Variants in CLYBL observed in about 807,000 individuals in gnomAD.
CLYBL encodes the protein citramalyl-CoA lyase, mitochondrial.
In CLYBL, 31 loss-of-function variants were observed where a neutral mutation model predicts 38.9. The observed-to-expected ratio is 0.80, with a 90% CI of 0.60 to 1.08. The LOEUF (loss-of-function observed/expected upper bound fraction) is 1.08. Among genes scored for constraint, CLYBL ranks in the 50% least tolerant of loss-of-function variants. The pLI, the probability that CLYBL is intolerant of heterozygous loss-of-function variation, is 0.00. For missense variants in CLYBL, 434 were observed against 411.6 expected, an observed-to-expected ratio of 1.05 and a Z score of -0.47; for synonymous variants, 171 against 158.6, an observed-to-expected ratio of 1.08 and a Z score of -0.59.
At chr13:99,694,576 C>T (rs185129103) in intron 1 of CLYBL, among the ~76,000 whole-genome samples, 2 of 152,312 alleles carry the variant, frequency 1.3e-5, no homozygotes, top group African/African-American at 2.4e-5. Flanking sequence ...CTCACACATA[C>T]CTTTACCTGT....
downstream of CLYBL, chr13:99,896,145 G>C (rs2052575158): frequency 1.3e-5 from 2 of 151,534 alleles, no homozygotes; most frequent in South Asian, 4.1e-4. Flanking sequence ...AGGAGGCCTG[G>C]ACTGTGGGCC....
intron 7 of CLYBL, among the ~76,000 whole-genome samples, chr13:99,878,127 C>A (rs914745911): frequency 6.6e-6 from 1 of 151,966 alleles, no homozygotes; most frequent in African/African-American, 2.4e-5. Context: ...AAATTCCTGA[C>A]AATGCTAAAA....
chr13:99,646,510 C>CTTT (rs140419884), intron 1 of CLYBL, among the ~76,000 whole-genome samples: 25 of 109,240 alleles, frequency 2.3e-4, no homozygotes, highest in East Asian at 5.0e-4. Flanking sequence ...TTACAGAAAT[C>CTTT]TTTTTTTTTT....
chr13:99,785,349 CA>C (rs1594181416), intron 2 of CLYBL, among the ~76,000 whole-genome samples: 1 of 151,522 alleles, frequency 6.6e-6, no homozygotes, highest in East Asian at 1.9e-4. Context: ...GCTGGGACCA[CA>C]GGTGTGTGCC....
At chr13:99,820,672 T>C (rs1466196517) in intron 2 of CLYBL, among the ~76,000 whole-genome samples, 2 of 152,222 alleles carry the variant, frequency 1.3e-5, no homozygotes, top group Non-Finnish European at 2.9e-5. Context: ...TGCAGAAATA[T>C]TTAACCCAGA....
chr13:99,845,056 G>A (rs1044074646), intron 2 of CLYBL, among the ~76,000 whole-genome samples: 2 of 152,154 alleles, frequency 1.3e-5, no homozygotes, highest in Non-Finnish European at 2.9e-5. Context: ...GAGAACGTTA[G>A]TGGTCCTGAA....
chr13:99,908,218 C>T (rs1289321298), exon 10 of CLYBL, among the ~76,000 whole-genome samples: 1 of 152,224 alleles, frequency 6.6e-6, no homozygotes, highest in Non-Finnish European at 1.5e-5. Flanking sequence ...TCATGCTTGG[C>T]TCCAGCTCTG....
chr13:99,743,038 CTTTT>C (rs1349348887), intron 1 of CLYBL, among the ~76,000 whole-genome samples: 1 of 150,558 alleles, frequency 6.6e-6, no homozygotes, highest in African/African-American at 2.4e-5. Context: ...GGGTTTTTTT[CTTTT>C]TCTTTTTCTT....
intron 1 of CLYBL, among the ~76,000 whole-genome samples, chr13:99,674,067 G>A (rs74112528): frequency 0.039 from 5,884 of 151,364 alleles, 356 homozygotes; most frequent in African/African-American, 0.13. Context: ...TAGGGGTGGA[G>A]GTCAAGAGTT....
chr13:99,734,664 C>T (rs1326591261), intron 1 of CLYBL, among the ~76,000 whole-genome samples: 1 of 152,128 alleles, frequency 6.6e-6, no homozygotes, highest in African/African-American at 2.4e-5. Flanking sequence ...TTTATTTGTC[C>T]ATGGCTACAC....
chr13:99,644,204 ATGTGTATATGTGG>A (rs75898299), intron 1 of CLYBL, among the ~76,000 whole-genome samples: 4,072 of 75,114 alleles, frequency 0.054, 93 homozygotes, highest in East Asian at 0.16. Flanking sequence ...TATGTGGTGT[ATGTGTATATGTGG>A]TGTATGTATA....
chr13:99,784,607 A>T (rs2049744099), intron 2 of CLYBL, among the ~76,000 whole-genome samples: 1 of 151,716 alleles, frequency 6.6e-6, no homozygotes, highest in South Asian at 2.1e-4. Flanking sequence ...GGTGCCCACC[A>T]CCAGGCCCAG....
rs35378080 is a variant in CLYBL, at chr13:99,833,683, CTTTTTTTTTTTT to C, written c.250-25163_250-25152del. On this transcript the variant is annotated intron_variant, in intron 2 of 8. Transcript: ENST00000339105. The stretch of plus-strand genomic sequence containing the variant: ...GACAGGAAGCGGGGTTACCGTGTTG[CTTTTTTTTTTTT>C]TTTTTTTTTTTTTTAGATGGAGTCT... Among the ~76,000 whole-genome samples the C allele has an allele frequency of 6.2e-3, 348 of 56,126 alleles. 3 individuals are homozygous for C. The Middle Eastern group carries it at 0.11, about 17-fold the overall frequency. 36.8% of individuals were successfully genotyped at this position (56,126 alleles called of 152,430 possible). A position where few individuals can be genotyped will look rare whatever the true frequency, so the allele number is the denominator to read the frequency against.
At chr13:99,751,235 T>G (rs1001800840) in intron 1 of CLYBL, among the ~76,000 whole-genome samples, 9 of 152,102 alleles carry the variant, frequency 5.9e-5, no homozygotes, top group Admixed American at 3.3e-4. Flanking sequence ...TTGTTTTTTT[T>G]TTTTAGATGG....
At chr13:99,763,799 C>T (rs7993488) in intron 1 of CLYBL, among the ~76,000 whole-genome samples, 8,534 of 152,036 alleles carry the variant, frequency 0.056, 323 homozygotes, top group South Asian at 0.11. Flanking sequence ...ATGATCTGCC[C>T]GCCTTAGCCT....
chr13:99,683,059 T>TTATATA (rs369963152), intron 1 of CLYBL, among the ~76,000 whole-genome samples: 1,963 of 149,480 alleles, frequency 0.013, 51 homozygotes, highest in African/African-American at 0.046. Flanking sequence ...TTTATAAACT[T>TTATATA]TATATATATA....
chr13:99,663,888 C>T (rs148578679), intron 1 of CLYBL, among the ~76,000 whole-genome samples: 8 of 152,288 alleles, frequency 5.3e-5, no homozygotes, highest in Non-Finnish European at 7.4e-5. Flanking sequence ...ATGCTAGAAC[C>T]ATTTATTTTG....
intron 1 of CLYBL, among the ~76,000 whole-genome samples, chr13:99,703,602 T>C (rs2048103614): frequency 6.6e-6 from 1 of 152,160 alleles, no homozygotes; most frequent in Non-Finnish European, 1.5e-5. Flanking sequence ...TCTCCTGACC[T>C]CGTGATCCGC....
intron 1 of CLYBL, among the ~76,000 whole-genome samples, chr13:99,746,705 T>TGAG (rs1011493541): frequency 2.0e-5 from 3 of 152,206 alleles, no homozygotes; most frequent in Admixed American, 1.3e-4. Flanking sequence ...TGGCGTGTCC[T>TGAG]TTCTGTTTTA....
Sources: allele counts gnomAD v4.1 joint callset (sites outside exome capture counted in the v4.1 genomes callset), GRCh38; gene constraint gnomAD v4.1.1; transcripts MANE v1.5; gene names NCBI Gene and HGNC (gene_info 2026-07-23, HGNC 2026-07-21).